SLC9A6: variants seen among roughly 807,000 people sequenced by gnomAD.
The protein encoded by SLC9A6 is solute carrier family 9 member A6, also known as sodium/hydrogen exchanger 6.
In SLC9A6, 6 loss-of-function variants were observed where a neutral mutation model predicts 45.3. The ratio of observed to expected loss-of-function variants is 0.13; its 90% CI spans 0.07 to 0.26. The LOEUF is 0.26. SLC9A6 is among the 10% of genes least tolerant of loss of function. The pLI is 1.00. For missense variants in SLC9A6, 278 were observed against 503.7 expected (o/e 0.55, Z 4.29); for synonymous variants, 191 against 187.7 (o/e 1.02, Z -0.14).
chrX:136,033,020 C>T (rs1398195388), intron 15 of SLC9A6: 2 of 146,590 alleles, frequency 1.4e-5, no homozygotes, highest in South Asian at 1.7e-4. Context: ...GGCCCCACCA[C>T]GCCTGGCTAA....
At chrX:135,996,933 A>G (rs2089508555) in intron 3 of SLC9A6, among the ~76,000 whole-genome samples, 1 of 108,242 alleles carries the variant, frequency 9.2e-6, no homozygotes, top group South Asian at 4.0e-4. Context: ...CGCCCGGCTA[A>G]TTTTTTGTAT....
chrX:135,991,772 T>C (rs2089435192), intron 2 of SLC9A6, among the ~76,000 whole-genome samples: 1 of 111,408 alleles, frequency 9.0e-6, no homozygotes, highest in African/African-American at 3.3e-5. Flanking sequence ...AATGAATTTT[T>C]TCCCTTTCTT....
In SLC9A6 at chrX:136,020,173, C is replaced by T. The variant is rs182645867; in HGVS notation, c.1195-2413C>T. 1.1e-4 allele frequency among the ~76,000 whole-genome samples: 12 copies of T among 111,188 alleles called. No homozygotes were observed. In the South Asian group the frequency reaches 3.5e-3, roughly 32 times the overall value. ...CATTATAAAGTTACACATTCCCCCC[C>T]CTTCCCCCGCCATGTTGTACTGCGT... On this transcript the variant is annotated intron_variant, in intron 11 of 17. Coordinates refer to ENST00000630721, the MANE Select transcript of SLC9A6 (RefSeq NM_001379110.1).
intron 15 of SLC9A6, chrX:136,033,145 AG>A (rs1374826380): frequency 1.2e-4 from 27 of 234,628 alleles, no homozygotes; most frequent in Middle Eastern, 1.5e-3. Flanking sequence ...TACAGGCATG[AG>A]CCACCACACC....
chrX:135,974,557 GAT>G, upstream of SLC9A6: 1 of 331,428 alleles, frequency 3.0e-6, no homozygotes, highest in South Asian at 2.7e-5. Flanking sequence ...GTAGGTGCTG[GAT>G]ATAGACCCCT....
chrX:136,041,937 A>T (rs893730218), intron 17 of SLC9A6, among the ~76,000 whole-genome samples: 8 of 110,643 alleles, frequency 7.2e-5, no homozygotes, highest in Non-Finnish European at 1.3e-4. Flanking sequence ...ATGCATCACT[A>T]TGTATCTCTA....
chrX:136,014,423 G>A (rs1434482146), intron 10 of SLC9A6, among the ~76,000 whole-genome samples: 1 of 111,772 alleles, frequency 8.9e-6, no homozygotes, highest in Non-Finnish European at 1.9e-5. Flanking sequence ...GGCAGGGGGC[G>A]GTGGGGGAGG....
Position 136,030,152 on chromosome X carries a change from A to G in SLC9A6, c.1571A>G (p.Gln524Arg), listed in dbSNP as rs1556620940. ...TTTAGGGTTGGTGTTGATTCAGACC[A>G]AGAACACTTGGTAAATATGCGTTTT... ...ETDRVGVDSD[Q>R]EHLGVPENER... The change falls in exon 15 of 18, where the codon CAA (glutamine) becomes CGA (arginine). Residue 524 changes from glutamine (Q) to arginine (R), a missense_variant. Coordinates refer to ENST00000630721, the MANE Select transcript of SLC9A6 (RefSeq NM_001379110.1). The G allele has an allele frequency of 2.5e-6, 3 of 1,208,981 alleles. No homozygotes were observed. Among genetic ancestry groups the G allele is most frequent in the Non-Finnish European group, 3.4e-6 (3 of 893,808 alleles).
At chrX:135,975,296 G>C (rs2148123280) in intron 1 of SLC9A6, 1 of 112,278 alleles carries the variant, frequency 8.9e-6, no homozygotes, top group East Asian at 2.8e-4. Context: ...CATATCACAA[G>C]GTAAATGCAA....
rs781963863 is a variant in SLC9A6, at chrX:135,985,715, C to T, written c.57C>T (p.Ser19=). The T allele has an allele frequency of 9.1e-6, 11 of 1,210,004 alleles. No individual in the cohort carries two copies. The highest frequency in any genetic ancestry group is 4.6e-4 in the Middle Eastern group (2 of 4,372). The change falls in exon 2 of 18, where the codon AGC becomes AGT. Residue 19 remains serine (S), a synonymous_variant. Transcript: ENST00000630721. ...CCGAGGAGAGCCACCGGCAGGACAGCGCCAACCTGCTCATCTTCATCCTGC... is the reference window on the plus strand; with the variant it reads ...CCGAGGAGAGCCACCGGCAGGACAGTGCCAACCTGCTCATCTTCATCCTGC... ...KQAEESHRQD[S]ANLLIFILLL...
chrX:136,019,226 T>C (rs1245867695), intron 11 of SLC9A6, among the ~76,000 whole-genome samples: 1 of 112,363 alleles, frequency 8.9e-6, no homozygotes, highest in Non-Finnish European at 1.9e-5. Flanking sequence ...TTCTTTCTTA[T>C]CTAAAAATCT....
intron 1 of SLC9A6, among the ~76,000 whole-genome samples, chrX:135,976,818 T>C (rs781912796): frequency 2.2e-4 from 25 of 111,726 alleles, no homozygotes; most frequent in Non-Finnish European, 3.6e-4. Flanking sequence ...TGTCCAGATA[T>C]TGAGTTTTGT....
chrX:136,010,228 C>CA, intron 7 of SLC9A6: 2 of 316,107 alleles, frequency 6.3e-6, no homozygotes, highest in South Asian at 3.8e-5. Flanking sequence ...TGTTCTACCC[C>CA]CCCCCCGAAA....
Position 136,003,136 on chromosome X carries a change from C to T in SLC9A6, c.743+923C>T, listed in dbSNP as rs782364524. On this transcript the variant is annotated intron_variant, in intron 7 of 17. Coordinates refer to ENST00000630721, the MANE Select transcript of SLC9A6 (RefSeq NM_001379110.1). ...CCTGAGTAGCTGGGATTACAGGCTCCTACCACCACGCCCGGCTAATTTTTG... is the reference window on the plus strand; with the variant it reads ...CCTGAGTAGCTGGGATTACAGGCTCTTACCACCACGCCCGGCTAATTTTTG... 1.6e-4 allele frequency among the ~76,000 whole-genome samples: 18 copies of T among 110,426 alleles called. 1 individual carries two copies. Among genetic ancestry groups the T allele is most frequent in the Non-Finnish European group, 3.2e-4 (17 of 52,759 alleles).
chrX:136,008,771 A>G (rs972827201), intron 7 of SLC9A6, among the ~76,000 whole-genome samples: 1 of 112,176 alleles, frequency 8.9e-6, no homozygotes, highest in Non-Finnish European at 1.9e-5. Context: ...GTATTCATAA[A>G]AAATGCTACT....
At chrX:136,037,234 T>C (rs2071426245) in intron 16 of SLC9A6, among the ~76,000 whole-genome samples, 1 of 111,998 alleles carries the variant, frequency 8.9e-6, no homozygotes, top group Admixed American at 9.5e-5. Context: ...GCTTGTCAAT[T>C]TACACACATG....
chrX:135,977,175 G>A (rs2089266861), intron 1 of SLC9A6, among the ~76,000 whole-genome samples: 1 of 112,148 alleles, frequency 8.9e-6, no homozygotes, highest in African/African-American at 3.2e-5. Flanking sequence ...ATGAGAAAGT[G>A]CATTTAAATT....
chrX:135,999,076 C>T, intron 6 of SLC9A6, 108 bp downstream of exon 6: 1 of 559,272 alleles, frequency 1.8e-6, no homozygotes, highest in East Asian at 3.3e-5. Context: ...TTAGATACTT[C>T]CTTAGTACTA....
intron 16 of SLC9A6, among the ~76,000 whole-genome samples, chrX:136,034,847 A>G (rs1279228304): frequency 8.9e-6 from 1 of 111,922 alleles, no homozygotes; most frequent in Non-Finnish European, 1.9e-5. Flanking sequence ...TTTAAAGATT[A>G]TGTCATTACT....
Sources: gnomAD v4.1 joint callset for allele counts (sites outside exome capture counted in the v4.1 genomes callset) on GRCh38, gnomAD v4.1.1 for gene constraint, MANE v1.5 for transcripts, NCBI Gene and HGNC (gene_info 2026-07-23, HGNC 2026-07-21) for gene names.